The following SMAP2 variants were observed in gnomAD, a reference collection of about 807,000 sequenced individuals.
The protein encoded by SMAP2 is small ArfGAP2.
Under a neutral mutation model 56.4 loss-of-function variants are expected in SMAP2, and 25 were observed. The ratio of observed to expected loss-of-function variants is 0.44; its 90% CI spans 0.32 to 0.62. The LOEUF (loss-of-function observed/expected upper bound fraction) is 0.62, where lower values mean the gene tolerates loss of function less well. Ranked by LOEUF, SMAP2 falls within the 20% of genes least tolerant of loss-of-function variation. The probability of loss-of-function intolerance (pLI) is 0.04; values close to 1 mark genes in which losing one functional copy is unlikely to be tolerated. For missense variants in SMAP2, 388 were observed against 545.6 expected (o/e 0.71, Z 2.88); for synonymous variants, 157 against 181.7 (o/e 0.86, Z 1.09).
intron 1 of SMAP2, among the ~76,000 whole-genome samples, chr1:40,399,503 TC>T (rs1644809094): frequency 1.3e-5 from 2 of 149,630 alleles, no homozygotes; most frequent in African/African-American, 2.5e-5. Flanking sequence ...TTTTTTTTTT[TC>T]CTGACTCTTA....
In SMAP2 at chr1:40,416,829, C is replaced by T. The variant is rs1644992212; in HGVS notation, c.897C>T (p.Ser299=). Reference sequence around the variant, plus strand: ...TGGCATATCCCACAGCCTACCCCAGCTTCCCCGGGGTTACACCTCCTAACA... The same window carrying T: ...TGGCATATCCCACAGCCTACCCCAGTTTCCCCGGGGTTACACCTCCTAACA... ...AQMAYPTAYP[S]FPGVTPPNSI... Residue 299 remains serine, a synonymous_variant, in exon 9 of 10, where the codon AGC becomes AGT. Transcript: ENST00000372718. 6.2e-7 allele frequency: 1 copy of T among 1,610,856 alleles called. No homozygotes were observed. Among genetic ancestry groups the T allele is most frequent in the Admixed American group, 1.7e-5 (1 of 59,960 alleles).
chr1:40,363,844 TCA>T (rs1284307592), intron 2 of SMAP2, among the ~76,000 whole-genome samples: 1 of 152,168 alleles, frequency 6.6e-6, no homozygotes. Flanking sequence ...TGCTGCCTTG[TCA>T]CAGTGGAAAG....
upstream of SMAP2, among the ~76,000 whole-genome samples, chr1:40,369,480 C>T (rs1031690240): frequency 1.7e-4 from 26 of 151,198 alleles, no homozygotes; most frequent in African/African-American, 6.1e-4. Context: ...ATAACCAAAA[C>T]AGCATGGTAC....
rs564005818 is a variant in SMAP2, at chr1:40,374,673, T to C, written c.103+450T>C. ...GAGGAGGAGGAGGAGGGAAGTGAGA[T>C]GGCGGAAAGGAAAACTGCTTAAATG... On this transcript the variant is annotated intron_variant, in intron 1 of 9. Coordinates refer to ENST00000372718, the MANE Select transcript of SMAP2 (RefSeq NM_022733.3). This position sits in a 1 kb window ranked among gnomAD's most constrained non-coding sequence, Gnocchi z 5.9. 4 of 1,544,812 alleles carry C rather than the reference T, an allele frequency of 2.6e-6. No individual in the cohort carries two copies. The highest frequency in any genetic ancestry group is 1.2e-5 in the South Asian group (1 of 83,844).
Position 40,407,541 on chromosome 1 carries a change from G to A in SMAP2, c.237+672G>A, listed in dbSNP as rs1036644747. Among the ~76,000 whole-genome samples the A allele has an allele frequency of 9.2e-5, 14 of 151,906 alleles. 1 individual carries two copies. The highest frequency in any genetic ancestry group is 5.8e-4 in the East Asian group (3 of 5,174). ...TTTTTAAAAAAACCTCCAAATCATA[G>A]ACTTATGGGAAAATTTTATTACTAA... On this transcript the variant is annotated intron_variant, in intron 2 of 9. Coordinates refer to ENST00000372718, the MANE Select transcript of SMAP2 (RefSeq NM_022733.3).
intron 1 of SMAP2, chr1:40,393,421 G>A: frequency 2.6e-6 from 4 of 1,535,620 alleles, no homozygotes; most frequent in Non-Finnish European, 3.5e-6. Flanking sequence ...GGCTTCATGG[G>A]GAAAGTGGGC....
chr1:40,409,378 G>A (rs750071573), intron 3 of SMAP2, among the ~76,000 whole-genome samples: 1 of 152,190 alleles, frequency 6.6e-6, no homozygotes, highest in Non-Finnish European at 1.5e-5. Context: ...GGGCACAAGA[G>A]TTTATGTTTT....
intron 1 of SMAP2, among the ~76,000 whole-genome samples, chr1:40,388,583 G>A (rs1644685100): frequency 6.6e-6 from 1 of 151,984 alleles, no homozygotes; most frequent in South Asian, 2.1e-4. Flanking sequence ...TAGCTAATCT[G>A]GTGGGGATGT....
At chr1:40,372,946 CA>C (rs1208201970), upstream of SMAP2, among the ~76,000 whole-genome samples, 1 of 152,178 alleles carries the variant, frequency 6.6e-6, no homozygotes, top group Non-Finnish European at 1.5e-5. Context: ...AGGAAAAGGA[CA>C]GCCAATGAGA....
intron 1 of SMAP2, among the ~76,000 whole-genome samples, chr1:40,392,316 G>C (rs373678052): frequency 2.0e-5 from 3 of 152,042 alleles, no homozygotes; most frequent in East Asian, 3.9e-4. Context: ...TTGCTGGGAT[G>C]CTCTGGGATT....
chr1:40,398,884 T>C (rs1644800106), intron 1 of SMAP2, among the ~76,000 whole-genome samples: 1 of 152,236 alleles, frequency 6.6e-6, no homozygotes, highest in Non-Finnish European at 1.5e-5. Flanking sequence ...GAGTATATGA[T>C]AGTGAATGTT....
At chr1:40,406,994 A>G (rs1569903075) in intron 2 of SMAP2, 125 bp downstream of exon 2, 1 of 1,007,624 alleles carries the variant, frequency 9.9e-7, no homozygotes, top group Non-Finnish European at 1.4e-6. Context: ...AACACTTAAC[A>G]TCAGATTCTT....
intron 1 of SMAP2, among the ~76,000 whole-genome samples, chr1:40,406,313 A>G (rs191391489): frequency 6.6e-6 from 1 of 152,314 alleles, no homozygotes. Flanking sequence ...AAAAAATTGT[A>G]CCATGCACAA....
intron 1 of SMAP2, among the ~76,000 whole-genome samples, chr1:40,345,146 G>A (rs1644380293): frequency 6.6e-6 from 1 of 152,088 alleles, no homozygotes; most frequent in South Asian, 2.1e-4. Flanking sequence ...GCTCACACCT[G>A]TAATCCCAGT....
At position 40,422,075 on chromosome 1, in the gene SMAP2, A is replaced by G; in HGVS notation, c.1264A>G (p.Thr422Ala). 1.2e-6 allele frequency: 2 copies of G among 1,613,890 alleles called. No homozygotes were observed. The highest frequency in any genetic ancestry group is 1.7e-6 in the Non-Finnish European group (2 of 1,180,000). The change falls in exon 10 of 10, where the codon ACT (threonine) becomes GCT (alanine). Residue 422 changes from threonine to alanine, a missense_variant. Coordinates refer to ENST00000372718, the MANE Select transcript of SMAP2 (RefSeq NM_022733.3). The part of the protein sequence containing the change: ...SGGNGQAANQ[T>A]LSPQMWK ...CGGAAATGGACAGGCAGCAAATCAG[A>G]CTCTCAGTCCTCAGATGTGGAAATA...
chr1:40,352,302 C>T (rs904312271), intron 1 of SMAP2, among the ~76,000 whole-genome samples: 8 of 152,128 alleles, frequency 5.3e-5, no homozygotes, highest in Admixed American at 5.2e-4. Context: ...ATCTGGCCCT[C>T]ACCCTCTGTC....
upstream of SMAP2, among the ~76,000 whole-genome samples, chr1:40,371,104 C>T (rs546043697): frequency 4.0e-5 from 6 of 151,804 alleles, no homozygotes; most frequent in Admixed American, 2.6e-4. Flanking sequence ...ACCTGGGAGG[C>T]GGAGGTTGCA....
intron 1 of SMAP2, among the ~76,000 whole-genome samples, chr1:40,390,141 G>A (rs1001493811): frequency 1.3e-5 from 2 of 152,088 alleles, no homozygotes; most frequent in Non-Finnish European, 1.5e-5. Context: ...CTTAAGCCAG[G>A]GCTGTTTTGA....
chr1:40,378,580 G>A (rs139000103), intron 1 of SMAP2, among the ~76,000 whole-genome samples: 1 of 152,226 alleles, frequency 6.6e-6, no homozygotes, highest in African/African-American at 2.4e-5. Flanking sequence ...CCAGAGTGCT[G>A]GGATTACAGG....
Sources: allele counts gnomAD v4.1 joint callset (sites outside exome capture counted in the v4.1 genomes callset), GRCh38; gene constraint gnomAD v4.1.1; non-coding constraint Gnocchi (gnomAD v3.1); transcripts MANE v1.5; gene names NCBI Gene and HGNC (gene_info 2026-07-23, HGNC 2026-07-21).